The following HRNR variants were observed in gnomAD, a reference collection of about 807,000 sequenced individuals.
The protein encoded by HRNR is hornerin, also known as filaggrin family member 3.
A neutral mutation model predicts 4.8 loss-of-function variants in HRNR; 7 were observed. The observed-to-expected ratio is 1.47, with a 90% CI of 0.83 to 2.75. HRNR has a LOEUF of 2.75. HRNR is among the 30% of genes most tolerant of loss of function. The pLI, the probability that HRNR is intolerant of heterozygous loss-of-function variation, is 0.00. For missense variants in HRNR, 2,879 were observed against 3,010.4 expected, an observed-to-expected ratio of 0.96 and a Z score of 1.02; for synonymous variants, 1,023 against 1,242.7, an observed-to-expected ratio of 0.82 and a Z score of 3.72.
In HRNR at chr1:152,219,006, G is replaced by C. The variant is rs140521585; in HGVS notation, c.2623C>G (p.His875Asp). 6.2e-7 allele frequency: 1 copy of C among 1,613,854 alleles called. No homozygotes were observed. Among genetic ancestry groups the C allele is most frequent in the Non-Finnish European group, 8.5e-7 (1 of 1,179,996 alleles). Residue 875 changes from histidine (H) to aspartate (D), a missense_variant, in exon 3 of 3, where the codon CAT (histidine) becomes GAT (aspartate). Physicochemically the swap from His to Asp is moderately conservative, Grantham distance 81 (BLOSUM62 -1). Transcript: ENST00000368801. ...TGTCGGCCGCGGCCCGAAGCGTGAT[G>C]GGAGGCAGACTCATGCTGACCATAG... is the stretch of plus-strand genomic sequence containing the variant. ...SSYGQHESAS[H>D]HASGRGRHGS...
chr1:152,219,134 C>T lies in HRNR; in HGVS notation c.2495G>A (p.Gly832Asp), dbSNP rs369184828. The change falls in exon 3 of 3, where the codon GGT becomes GAT. Residue 832 changes from glycine to aspartate, a missense_variant. Coordinates refer to ENST00000368801, the MANE Select transcript of HRNR (RefSeq NM_001009931.3). ...GCTAGAGAAGTGACCTGAGGCAGAACCATGCTGACTATAGCCCTGTCCTGA... is the reference window on the plus strand; with the variant it reads ...GCTAGAGAAGTGACCTGAGGCAGAATCATGCTGACTATAGCCCTGTCCTGA... The part of the protein sequence containing the change: ...SGSGQGYSQH[G>D]SASGHFSSQG... 5 of 1,613,532 alleles carry T rather than the reference C, an allele frequency of 3.1e-6. No homozygotes were observed. The highest frequency in any genetic ancestry group is 2.7e-5 in the African/African-American group (2 of 74,724).
rs753437404 is a variant in HRNR at position 152,218,336 on chromosome 1, T to C, written c.3293A>G (p.Gln1098Arg). The C allele has an allele frequency of 5.6e-6, 9 of 1,605,518 alleles. No individual in the cohort carries two copies. The East Asian group carries it at 2.0e-4, about 36-fold the overall frequency. ...GCCATGCTGACCGTGGCTGGAAGAC[T>C]GACCTGAGCTAGCTCCATGTTGGCC... The part of the protein sequence containing the change: ...SCGQHGASSG[Q>R]SSSHGQHGSG... Residue 1098 changes from glutamine to arginine, a missense_variant, in exon 3 of 3, where the codon CAG becomes CGG. This residue lies in a region of HRNR where 2,646 missense variants were observed against 1,377.7 expected (regional missense o/e 1.92). Coordinates refer to ENST00000368801, the MANE Select transcript of HRNR (RefSeq NM_001009931.3).
intron 2 of HRNR, among the ~76,000 whole-genome samples, chr1:152,222,305 T>C (rs1649027103): frequency 6.6e-6 from 1 of 152,206 alleles, no homozygotes; most frequent in African/African-American, 2.4e-5. Flanking sequence ...AGATTATGAC[T>C]TTTAAGTTAT....
In HRNR at chr1:152,221,143, T is replaced by C; in HGVS notation, c.486A>G (p.Gln162=). Residue 162 remains glutamine, a synonymous_variant, in exon 3 of 3, where the codon CAA becomes CAG. Transcript: ENST00000368801. ...TESISRRLSF[Q]RDFSGQHNSY... Reference sequence around the variant, plus strand: ...AGTTATGTTGGCCAGAAAAGTCTCTTTGAAAACTCAGTCTTCTGGATATGG... The same window carrying C: ...AGTTATGTTGGCCAGAAAAGTCTCTCTGAAAACTCAGTCTTCTGGATATGG... 6.2e-7 allele frequency: 1 copy of C among 1,614,210 alleles called. No homozygotes were observed.
At position 152,218,804 on chromosome 1, in the gene HRNR, G is replaced by T. The variant is rs761875909; in HGVS notation, c.2825C>A (p.Ser942Tyr). 5.0e-5 allele frequency: 80 copies of T among 1,613,774 alleles called. No homozygotes were observed. The highest frequency in any genetic ancestry group is 6.5e-5 in the Non-Finnish European group (77 of 1,180,002). The change falls in exon 3 of 3, where the codon TCT (serine) becomes TAT (tyrosine). Residue 942 changes from serine to tyrosine, a missense_variant. Physicochemically the swap from Ser to Tyr is moderately radical, Grantham distance 144. Around this residue, in one of 8 missense-constraint regions of HRNR, gnomAD observed 2,646 missense variants for 1,377.7 expected, o/e 1.92. Transcript: ENST00000368801. ...FGHKSSSGQS[S>Y]GYTQHGSGSG... ...GCCAGATCCATGCTGAGTGTAACCA[G>T]AGGACTGCCCTGAGCTAGACTTGTG...
Position 152,220,459 on chromosome 1 carries a change from A to G in HRNR, c.1170T>C (p.His390=), listed in dbSNP as rs1429455513. Residue 390 remains histidine, a synonymous_variant, in exon 3 of 3, where the codon CAT becomes CAC. Coordinates refer to ENST00000368801, the MANE Select transcript of HRNR (RefSeq NM_001009931.3). ...TGGAAGACTGACGTGAGCTGGAGCC[A>G]TGTTGGCCAGAGCTTGATGCCTGCC... is the stretch of plus-strand genomic sequence containing the variant. The part of the protein sequence containing the change: ...TSGQASSSGQ[H]GSSSRQSSSY... 8.1e-6 allele frequency: 13 copies of G among 1,611,446 alleles called. No homozygotes were observed. Among genetic ancestry groups the G allele is most frequent in the Non-Finnish European group, 1.0e-5 (12 of 1,179,298 alleles).
chr1:152,221,079 A>G lies in HRNR; in HGVS notation c.550T>C (p.Ser184Pro). 1 of 1,613,346 alleles carries G rather than the reference A, an allele frequency of 6.2e-7. No homozygotes were observed. The highest frequency in any genetic ancestry group is 8.5e-7 in the Non-Finnish European group (1 of 1,179,468). The change falls in exon 3 of 3, where the codon TCC becomes CCC. Residue 184 changes from serine (S) to proline (P), a missense_variant. Transcript: ENST00000368801. ...GQSSSYGEQN[S>P]DSHQSSGRGQ... ...CGGCCTGAAGACTGATGGGAGTCGG[A>G]GTTTTGCTCACCATAGCTGGAAGAC...
Position 152,219,913 on chromosome 1 carries a change from G to T in HRNR, c.1716C>A (p.Gly572=). The T allele has an allele frequency of 6.2e-7, 1 of 1,613,254 alleles. No homozygotes were observed. The highest frequency in any genetic ancestry group is 8.5e-7 in the Non-Finnish European group (1 of 1,179,596). The part of the protein sequence containing the change: ...GYGSGRSSSR[G]PYESGSGHSS... ...AGTGACCGGAGCCAGACTCATATGG[G>T]CCACGGCTTGAAGACCTCCCTGAGC... The change falls in exon 3 of 3, where the codon GGC becomes GGA. Residue 572 remains glycine, a synonymous_variant. Coordinates refer to ENST00000368801, the MANE Select transcript of HRNR (RefSeq NM_001009931.3).
Position 152,220,964 on chromosome 1 carries a change from C to T in HRNR, c.665G>A (p.Gly222Glu). Residue 222 changes from glycine to glutamate, a missense_variant, in exon 3 of 3, where the codon GGG (glycine) becomes GAG (glutamate). Gly to Glu is a moderately conservative substitution (Grantham distance 98, BLOSUM62 -2). Coordinates refer to ENST00000368801, the MANE Select transcript of HRNR (RefSeq NM_001009931.3). ...GCCAGAAGACTGGCCTGAGCCAGAC[C>T]CATGTGTGTCATTGCTGGAAGACTG... The part of the protein sequence containing the change: ...SGQSSSNDTH[G>E]SGSGQSSGFS... 6.2e-7 allele frequency: 1 copy of T among 1,614,060 alleles called. No individual in the cohort carries two copies. The highest frequency in any genetic ancestry group is 8.5e-7 in the Non-Finnish European group (1 of 1,179,998).
At position 152,220,731 on chromosome 1, in the gene HRNR, C is replaced by A. The variant is rs768236973; in HGVS notation, c.898G>T (p.Gly300Trp). ...SRQSLGHGRQ[G>W]SGSRQSPSHV... ...CTAGGAGACTGGCGAGATCCAGACCCTTGTCGGCCGTGGCCCAAAGACTGA... is the reference window on the plus strand; with the variant it reads ...CTAGGAGACTGGCGAGATCCAGACCATTGTCGGCCGTGGCCCAAAGACTGA... Residue 300 changes from glycine (G) to tryptophan (W), a missense_variant, in exon 3 of 3, where the codon GGG becomes TGG. Gly to Trp is a radical substitution (Grantham distance 184). Around this residue, in one of 8 missense-constraint regions of HRNR, gnomAD observed 2,646 missense variants for 1,377.7 expected, o/e 1.92. Coordinates refer to ENST00000368801, the MANE Select transcript of HRNR (RefSeq NM_001009931.3). 3.7e-6 allele frequency: 6 copies of A among 1,613,510 alleles called. No individual in the cohort carries two copies. Among genetic ancestry groups the A allele is most frequent in the East Asian group, 2.2e-5 (1 of 44,830 alleles).
At position 152,218,491 on chromosome 1, in the gene HRNR, G is replaced by A. The variant is rs761795324; in HGVS notation, c.3138C>T (p.His1046=). Residue 1046 remains histidine, a synonymous_variant, in exon 3 of 3, where the codon CAC becomes CAT. Coordinates refer to ENST00000368801, the MANE Select transcript of HRNR (RefSeq NM_001009931.3). The part of the protein sequence containing the change: ...SRGPYESGSG[H]SSGLGHRESR... ...ACTCTCGGTGACCTAAGCCAGAAGA[G>A]TGACCGGAGCCAGACTCATATGGGC... The A allele has an allele frequency of 1.2e-6, 2 of 1,613,176 alleles. No individual in the cohort carries two copies. The highest frequency in any genetic ancestry group is 1.3e-5 in the African/African-American group (1 of 74,536).
At position 152,213,015 on chromosome 1, in the gene HRNR, C is replaced by G; in HGVS notation, c.*61G>C. 1.3e-6 allele frequency: 2 copies of G among 1,554,458 alleles called. No homozygotes were observed. The highest frequency in any genetic ancestry group is 1.7e-6 in the Non-Finnish European group (2 of 1,152,058). On this transcript the variant is annotated 3_prime_UTR_variant, in exon 3 of 3. Transcript: ENST00000368801. ...GATTGCTTGTCTTTCATGATGAATT[C>G]ATAGATGACTTTCCTATTTCTTAAA... is the stretch of plus-strand genomic sequence containing the variant.
rs1648773937 is a variant in HRNR, at chr1:152,218,768, G to T, written c.2861C>A (p.Ser954Tyr). The change falls in exon 3 of 3, where the codon TCC becomes TAC. Residue 954 changes from serine (S) to tyrosine (Y), a missense_variant. Ser to Tyr is a moderately radical substitution (Grantham distance 144). Transcript: ENST00000368801. ...AGAGCCGTGTTGTTCGTAGCTGGAG[G>T]AGTGACCTGAGCCAGATCCATGCTG... ...YTQHGSGSGH[S>Y]SSYEQHGSRS... 1.2e-6 allele frequency: 2 copies of T among 1,613,774 alleles called. No individual in the cohort carries two copies. The highest frequency in any genetic ancestry group is 1.7e-6 in the Non-Finnish European group (2 of 1,180,022).
rs752705296 is a variant in HRNR at position 152,220,989 on chromosome 1, G to T, written c.640C>A (p.Gln214Lys). The T allele has an allele frequency of 6.2e-7, 1 of 1,614,078 alleles. No individual in the cohort carries two copies. The highest frequency in any genetic ancestry group is 2.2e-5 in the East Asian group (1 of 44,844). The change falls in exon 3 of 3, where the codon CAG becomes AAG. Residue 214 changes from glutamine (Q) to lysine (K), a missense_variant. By Grantham distance (53) the Gln-to-Lys change is moderately conservative. Transcript: ENST00000368801. ...CCATGTGTGTCATTGCTGGAAGACT[G>T]TCCGGAGCCAGAGCCGTGTTGGCCA... The part of the protein sequence containing the change: ...NYGQHGSGSG[Q>K]SSSNDTHGSG...
chr1:152,212,945 G>C lies in HRNR; in HGVS notation c.*131C>G, dbSNP rs911655953. On this transcript the variant is annotated 3_prime_UTR_variant, in exon 3 of 3. Transcript: ENST00000368801. The stretch of plus-strand genomic sequence containing the variant: ...GCTACAGTTTTAGGCTCTAAAGAAA[G>C]AGACAGAAATGCATTGATTCACTTT... 1.2e-5 allele frequency: 15 copies of C among 1,251,262 alleles called. No homozygotes were observed. In the African/African-American group the frequency reaches 1.2e-4, roughly 10 times the overall value. 77.5% of individuals were successfully genotyped at this position (1,251,262 alleles called of 1,614,324 possible).
Position 152,213,222 on chromosome 1 carries a change from T to C in HRNR, c.8407A>G (p.Ser2803Gly). The C allele has an allele frequency of 6.2e-7, 1 of 1,614,152 alleles. No individual in the cohort carries two copies. Among genetic ancestry groups the C allele is most frequent in the Non-Finnish European group, 8.5e-7 (1 of 1,180,024 alleles). ...GAATACCCATCTTGCCCTGAGCCAC[T>C]TCCATGCTGACTATAACCAGAGGAC... Reference protein sequence around the residue: ...GQSSGYSQHGSGSGQDGYSYC... With the variant: ...GQSSGYSQHGGGSGQDGYSYC... Residue 2803 changes from serine to glycine, a missense_variant, in exon 3 of 3, where the codon AGT becomes GGT. Ser to Gly is a moderately conservative substitution (Grantham distance 56, BLOSUM62 0). Coordinates refer to ENST00000368801, the MANE Select transcript of HRNR (RefSeq NM_001009931.3).
chr1:152,223,143 C>T lies in HRNR; in HGVS notation c.111G>A (p.Leu37=). The T allele has an allele frequency of 6.2e-7, 1 of 1,613,634 alleles. No individual in the cohort carries two copies. The highest frequency in any genetic ancestry group is 8.5e-7 in the Non-Finnish European group (1 of 1,179,798). Residue 37 remains leucine (L), a synonymous_variant, in exon 2 of 3, where the codon CTG becomes CTA. Transcript: ENST00000368801. ...TLNKAELKEL[L]ENEFHQILKN... is the part of the protein sequence containing the mutation. Reference sequence around the variant, plus strand: ...TCAGAATTTGATGAAACTCATTTTCCAGAAGTTCTTTCAGCTCTGCCTTGT... The same window carrying T: ...TCAGAATTTGATGAAACTCATTTTCTAGAAGTTCTTTCAGCTCTGCCTTGT...
chr1:152,220,649 G>C lies in HRNR; in HGVS notation c.980C>G (p.Ser327Cys), dbSNP rs377246304. ...ACGGCTGTAAGAGTAACTTGAGCCA[G>C]ACCCGTGTTGGCCGTGGCTGGAGGA... Reference protein sequence around the residue: ...GHSSSHGQHGSGSSYSYSRGH... With the variant: ...GHSSSHGQHGCGSSYSYSRGH... Residue 327 changes from serine (S) to cysteine (C), a missense_variant, in exon 3 of 3, where the codon TCT becomes TGT. Transcript: ENST00000368801. 1 of 1,612,072 alleles carries C rather than the reference G, an allele frequency of 6.2e-7. No homozygotes were observed. Among genetic ancestry groups the C allele is most frequent in the Non-Finnish European group, 8.5e-7 (1 of 1,178,664 alleles).
Position 152,218,838 on chromosome 1 carries a change from C to G in HRNR, c.2791G>C (p.Gly931Arg). 1 of 1,612,126 alleles carries G rather than the reference C, an allele frequency of 6.2e-7. No individual in the cohort carries two copies. The highest frequency in any genetic ancestry group is 8.5e-7 in the Non-Finnish European group (1 of 1,179,596). Residue 931 changes from glycine to arginine, a missense_variant, in exon 3 of 3, where the codon GGC becomes CGC. By Grantham distance (125) the Gly-to-Arg change is moderately radical. This residue lies in a region of HRNR where 2,646 missense variants were observed against 1,377.7 expected (regional missense o/e 1.92). Transcript: ENST00000368801. Reference protein sequence around the residue: ...RHGSGSGQSSGFGHKSSSGQS... With the variant: ...RHGSGSGQSSRFGHKSSSGQS... Reference sequence around the variant, plus strand: ...CCTGAGCTAGACTTGTGACCAAAGCCAGAAGACTGGCCTGAGCCAGACCCA... The same window carrying G: ...CCTGAGCTAGACTTGTGACCAAAGCGAGAAGACTGGCCTGAGCCAGACCCA...
Sources: gnomAD v4.1 joint callset for allele counts (sites outside exome capture counted in the v4.1 genomes callset) on GRCh38, gnomAD v4.1.1 for gene constraint, gnomAD v4.1.1 regional missense constraint, MANE v1.5 for transcripts, NCBI Gene and HGNC (gene_info 2026-07-23, HGNC 2026-07-21) for gene names.